The following SHANK2 variants were observed in gnomAD, a reference collection of about 807,000 sequenced individuals.
The protein encoded by SHANK2 is SH3 and multiple ankyrin repeat domains protein 2.
SHANK2 carries 43 observed loss-of-function variants against 133.7 expected under a neutral mutation model. The observed-to-expected ratio is 0.32, with a 90% confidence interval of 0.25 to 0.41. The LOEUF is 0.41. Among genes scored for constraint, SHANK2 ranks in the 10% least tolerant of loss-of-function variants. SHANK2 has a pLI of 1.00. For missense variants in SHANK2, 1,994 were observed against 2,235.8 expected (o/e 0.89, Z 2.18); for synonymous variants, 1,017 against 952.8 (o/e 1.07, Z -1.24).
At chr11:70,554,311 G>A (rs748327253) in intron 17 of SHANK2, among the ~76,000 whole-genome samples, 3 of 152,134 alleles carry the variant, frequency 2.0e-5, no homozygotes, top group Non-Finnish European at 4.4e-5. Context: ...AAGTCAATGC[G>A]TGCTCAGATG....
intron 8 of SHANK2, among the ~76,000 whole-genome samples, chr11:71,080,776 G>T (rs921229388): frequency 1.3e-5 from 2 of 152,140 alleles, no homozygotes; most frequent in African/African-American, 2.4e-5. Flanking sequence ...AATCCCCCTC[G>T]CATGGCCTGA....
At position 70,640,844 on chromosome 11, in the gene SHANK2, AG is replaced by A. The variant is rs1441911173; in HGVS notation, c.2061+18983del. The stretch of plus-strand genomic sequence containing the variant: ...AGTCCACCTTGCAGAGCTCCTAGGA[AG>A]AATCGAGGCGACTGCTGGGTAACCT... On this transcript the variant is annotated intron_variant, in intron 17 of 25. Coordinates refer to ENST00000601538, the MANE Select transcript of SHANK2 (RefSeq NM_012309.5). 2.0e-5 allele frequency among the ~76,000 whole-genome samples: 3 copies of A among 152,208 alleles called. No individual in the cohort carries two copies. The East Asian group carries it at 5.8e-4, about 29-fold the overall frequency.
intron 6 of SHANK2, among the ~76,000 whole-genome samples, chr11:71,096,922 T>C (rs554915136): frequency 6.6e-5 from 10 of 152,322 alleles, no homozygotes; most frequent in African/African-American, 2.4e-4. Flanking sequence ...ATCCTGACTT[T>C]TGACTCAGAA....
intron 10 of SHANK2, among the ~76,000 whole-genome samples, chr11:70,945,776 C>A (rs368870794): frequency 9.3e-4 from 141 of 152,282 alleles, no homozygotes; most frequent in African/African-American, 3.2e-3. Flanking sequence ...GGATGCAGCA[C>A]CCCTGAGTGG....
intron 17 of SHANK2, among the ~76,000 whole-genome samples, chr11:70,639,280 G>A (rs1336636340): frequency 6.6e-6 from 1 of 152,184 alleles, no homozygotes. Flanking sequence ...TCAGGGTGCC[G>A]TAGCAAAATG....
At chr11:70,565,080 C>T (rs1214068886) in intron 17 of SHANK2, among the ~76,000 whole-genome samples, 2 of 152,152 alleles carry the variant, frequency 1.3e-5, no homozygotes, top group African/African-American at 4.8e-5. Flanking sequence ...CTGTATTTTC[C>T]TGCTTCTTTG....
At chr11:70,505,479 T>C (rs2059122984) in intron 17 of SHANK2, among the ~76,000 whole-genome samples, 1 of 152,004 alleles carries the variant, frequency 6.6e-6, no homozygotes, top group Non-Finnish European at 1.5e-5. Flanking sequence ...CCCAGCTGCC[T>C]GGCCACTAGA....
At chr11:70,621,817 C>A (rs73523846) in intron 17 of SHANK2, among the ~76,000 whole-genome samples, 2,823 of 152,228 alleles carry the variant, frequency 0.019, 92 homozygotes, top group African/African-American at 0.065. Flanking sequence ...CATAAATGAT[C>A]CCAGAAAAGC....
At chr11:70,637,557 C>T (rs1019136525) in intron 17 of SHANK2, among the ~76,000 whole-genome samples, 7 of 152,124 alleles carry the variant, frequency 4.6e-5, no homozygotes, top group East Asian at 1.9e-4. Context: ...GACCTCCCCC[C>T]ACCAACCCAT....
In SHANK2 at chr11:70,932,804, T is replaced by A. The variant is rs141613387; in HGVS notation, c.1108-36237A>T. Among the ~76,000 whole-genome samples, 706 of 152,030 alleles carry A rather than the reference T, an allele frequency of 4.6e-3. 5 individuals carry two copies. Among genetic ancestry groups the A allele is most frequent in the African/African-American group, 0.017 (684 of 41,452 alleles). ...ACAGAAACTATTGAAAAGCACAGCA[T>A]ACCACTTCACGTGAATTAGCATGGC... On this transcript the variant is annotated intron_variant, in intron 10 of 25. Transcript: ENST00000601538.
intron 17 of SHANK2, among the ~76,000 whole-genome samples, chr11:70,628,072 G>A (rs185907450): frequency 1.8e-3 from 270 of 152,292 alleles, no homozygotes; most frequent in Non-Finnish European, 3.4e-3. Context: ...CGATTCTCCT[G>A]CCTCAGCCTC....
At chr11:70,474,519 C>T (rs1555149703) in intron 25 of SHANK2, 1 of 152,254 alleles carries the variant, frequency 6.6e-6, no homozygotes, top group African/African-American at 2.4e-5. Flanking sequence ...GGTGGCCTTT[C>T]ACACACCACT....
chr11:71,134,269 GA>G (rs1438982264), intron 3 of SHANK2, among the ~76,000 whole-genome samples: 1 of 151,426 alleles, frequency 6.6e-6, no homozygotes, highest in Non-Finnish European at 1.5e-5. Flanking sequence ...GGGGAGGGGA[GA>G]GGGGGAAAGG....
At chr11:70,803,729 C>T (rs1307773613) in intron 13 of SHANK2, among the ~76,000 whole-genome samples, 1 of 150,930 alleles carries the variant, frequency 6.6e-6, no homozygotes, top group Non-Finnish European at 1.5e-5. Flanking sequence ...GAGCCTGATG[C>T]TGGATCTCGC....
intron 2 of SHANK2, among the ~76,000 whole-genome samples, chr11:71,160,296 G>A (rs1555109726): frequency 6.6e-6 from 1 of 152,148 alleles, no homozygotes; most frequent in Non-Finnish European, 1.5e-5. Context: ...TCACTGCTAC[G>A]AACTGAACTG....
chr11:71,252,046 C>T lies in SHANK2; in HGVS notation c.-113+379G>A, dbSNP rs1948192458. On this transcript the variant is annotated intron_variant, in intron 1 of 25. Coordinates refer to ENST00000601538, the MANE Select transcript of SHANK2 (RefSeq NM_012309.5). This position sits in a 1 kb window ranked among gnomAD's most constrained non-coding sequence, Gnocchi z 6.3. Reference sequence around the variant, plus strand: ...CGGGAGAGCGGGGGAGGTCGCGCCACACGCGCTGTTCCAGAGGAAGGGGCA... The same window carrying T: ...CGGGAGAGCGGGGGAGGTCGCGCCATACGCGCTGTTCCAGAGGAAGGGGCA... Among the ~76,000 whole-genome samples, 2 of 152,130 alleles carry T rather than the reference C, an allele frequency of 1.3e-5. No homozygotes were observed. Among genetic ancestry groups the T allele is most frequent in the African/African-American group, 4.8e-5 (2 of 41,454 alleles).
intron 11 of SHANK2, among the ~76,000 whole-genome samples, chr11:70,859,675 C>G (rs935142956): frequency 6.6e-6 from 1 of 152,286 alleles, no homozygotes; most frequent in African/African-American, 2.4e-5. Context: ...GACACAGAAC[C>G]AGCAAGTGGC....
At chr11:70,502,141 T>C (rs551575779) in intron 19 of SHANK2, 65 bp downstream of exon 19, 2 of 1,506,888 alleles carry the variant, frequency 1.3e-6, no homozygotes, top group South Asian at 2.4e-5. Flanking sequence ...GCCTGGTGCT[T>C]TGCAAAGGGC....
At chr11:70,548,521 G>A (rs7111763) in intron 17 of SHANK2, among the ~76,000 whole-genome samples, 115,244 of 152,182 alleles carry the variant, frequency 0.76, 44,599 homozygotes, top group Middle Eastern at 0.87. Context: ...GCCTGTGCCC[G>A]GACATGGAGC....
Sources: allele counts gnomAD v4.1 joint callset (sites outside exome capture counted in the v4.1 genomes callset), GRCh38; gene constraint gnomAD v4.1.1; non-coding constraint Gnocchi (gnomAD v3.1); transcripts MANE v1.5; gene names NCBI Gene and HGNC (gene_info 2026-07-23, HGNC 2026-07-21).